Variants in ENOX1 observed in about 807,000 individuals in gnomAD.
ENOX1 encodes the protein candidate growth-related and time keeping constitutive hydroquinone (NADH) oxidase.
ENOX1 carries 42 observed loss-of-function variants against 82.5 expected under a neutral mutation model. The observed-to-expected ratio is 0.51, with a 90% CI of 0.40 to 0.66. The LOEUF (loss-of-function observed/expected upper bound fraction) is 0.66. Ranked by LOEUF, ENOX1 falls within the 30% of genes least tolerant of loss-of-function variation. The pLI is 0.00. For synonymous variants in ENOX1, 271 were observed against 282.2 expected, an observed-to-expected ratio of 0.96 and a Z score of 0.40; for missense variants, 608 against 811.6, an observed-to-expected ratio of 0.75 and a Z score of 3.05.
At chr13:43,329,145 GT>G (rs1185334612) in intron 9 of ENOX1, among the ~76,000 whole-genome samples, 1 of 152,226 alleles carries the variant, frequency 6.6e-6, no homozygotes, top group East Asian at 1.9e-4. Context: ...TCAAAGGCTG[GT>G]ATAGAGTTGT....
intron 2 of ENOX1, among the ~76,000 whole-genome samples, chr13:43,564,979 A>G (rs9567213): frequency 0.079 from 12,076 of 152,152 alleles, 613 homozygotes; most frequent in East Asian, 0.26. Context: ...GTGGTGAACA[A>G]AGAGAAACAA....
Position 43,572,477 on chromosome 13 carries a change from T to C in ENOX1, c.-218-88325A>G, listed in dbSNP as rs1022893633. Among the ~76,000 whole-genome samples, 5 of 152,312 alleles carry C rather than the reference T, an allele frequency of 3.3e-5. No individual in the cohort carries two copies. The East Asian group carries it at 9.6e-4, about 29-fold the overall frequency. ...GAGGGTTTCCAGGCTCACAGCTCAA[T>C]GAAAACAATGATGATCCAGGGGAGT... is the stretch of plus-strand genomic sequence containing the variant. On this transcript the variant is annotated intron_variant, in intron 2 of 16. Transcript: ENST00000690772.
chr13:43,735,017 C>T (rs1054031842), intron 1 of ENOX1, among the ~76,000 whole-genome samples: 3 of 152,152 alleles, frequency 2.0e-5, no homozygotes, highest in Non-Finnish European at 4.4e-5. Flanking sequence ...TTCCCACCTC[C>T]AAAGGCAGGA....
chr13:43,274,191 G>C (rs1033521744), intron 12 of ENOX1, among the ~76,000 whole-genome samples: 1 of 152,126 alleles, frequency 6.6e-6, no homozygotes, highest in Non-Finnish European at 1.5e-5. Flanking sequence ...TTTTTAATCT[G>C]AAAAGAAATA....
At chr13:43,490,179 T>C (rs1036176491) in intron 2 of ENOX1, among the ~76,000 whole-genome samples, 1 of 152,160 alleles carries the variant, frequency 6.6e-6, no homozygotes, top group Non-Finnish European at 1.5e-5. Context: ...TGGCCTCAAG[T>C]GATACACCTG....
chr13:43,671,039 G>A (rs1379624865), intron 1 of ENOX1, among the ~76,000 whole-genome samples: 4 of 152,106 alleles, frequency 2.6e-5, no homozygotes. Flanking sequence ...GGAAGTGACT[G>A]GATTAAGGGG....
intron 3 of ENOX1, among the ~76,000 whole-genome samples, chr13:43,444,636 T>C (rs148089517): frequency 6.6e-6 from 1 of 152,310 alleles, no homozygotes; most frequent in East Asian, 1.9e-4. Flanking sequence ...TAGAAACATA[T>C]TTCATTTATT....
At chr13:43,489,321 C>T (rs2076539111) in intron 2 of ENOX1, among the ~76,000 whole-genome samples, 1 of 152,142 alleles carries the variant, frequency 6.6e-6, no homozygotes, top group Non-Finnish European at 1.5e-5. Flanking sequence ...CATTCCTCAG[C>T]CTCCCCAGCT....
intron 1 of ENOX1, among the ~76,000 whole-genome samples, chr13:43,671,545 C>T (rs1232820890): frequency 1.3e-5 from 2 of 152,194 alleles, no homozygotes; most frequent in South Asian, 4.1e-4. Context: ...TCTACACATA[C>T]CCCATTATTA....
intron 2 of ENOX1, among the ~76,000 whole-genome samples, chr13:43,576,913 A>C (rs1299772028): frequency 6.6e-6 from 1 of 152,206 alleles, no homozygotes; most frequent in Non-Finnish European, 1.5e-5. Context: ...CTGTGGATTA[A>C]AGAAAGAAAT....
intron 7 of ENOX1, among the ~76,000 whole-genome samples, chr13:43,358,072 T>A (rs1379953373): frequency 6.6e-6 from 1 of 152,132 alleles, no homozygotes; most frequent in African/African-American, 2.4e-5. Flanking sequence ...AGAGACTTGC[T>A]GAGAGAAGCG....
chr13:43,590,663 C>T (rs932668750), intron 2 of ENOX1, among the ~76,000 whole-genome samples: 22 of 151,352 alleles, frequency 1.5e-4, no homozygotes, highest in Admixed American at 4.6e-4. Flanking sequence ...GTAGTCCCAA[C>T]TACTCGGAAG....
intron 3 of ENOX1, among the ~76,000 whole-genome samples, chr13:43,470,801 C>T (rs749232413): frequency 4.6e-5 from 7 of 151,934 alleles, no homozygotes; most frequent in Non-Finnish European, 7.4e-5. Context: ...AAGGAAAAGG[C>T]ATATTAGATT....
intron 5 of ENOX1, among the ~76,000 whole-genome samples, chr13:43,403,256 G>C (rs966584271): frequency 2.6e-5 from 4 of 152,002 alleles, no homozygotes; most frequent in Non-Finnish European, 5.9e-5. Context: ...ATTTGTTGTA[G>C]TATACATAGG....
At chr13:43,710,242 C>T (rs1007742523) in intron 1 of ENOX1, among the ~76,000 whole-genome samples, 3 of 151,822 alleles carry the variant, frequency 2.0e-5, no homozygotes, top group Admixed American at 6.6e-5. Context: ...AAGTTTATCC[C>T]GATGTTCAGA....
At chr13:43,768,086 C>G (rs1338551096) in intron 1 of ENOX1, among the ~76,000 whole-genome samples, 1 of 152,216 alleles carries the variant, frequency 6.6e-6, no homozygotes, top group Non-Finnish European at 1.5e-5. Context: ...TTTTTCCCCA[C>G]TAAGTACTCT....
intron 2 of ENOX1, among the ~76,000 whole-genome samples, chr13:43,634,629 A>G (rs556085883): frequency 1.3e-5 from 2 of 152,276 alleles, no homozygotes; most frequent in East Asian, 3.9e-4. Context: ...GTTATTCTCA[A>G]TTCAGCTCCA....
chr13:43,729,504 A>G (rs1412398201), intron 1 of ENOX1, among the ~76,000 whole-genome samples: 1 of 152,212 alleles, frequency 6.6e-6, no homozygotes, highest in East Asian at 1.9e-4. Context: ...TGAGTTTTTA[A>G]TCTACTTTTC....
At chr13:43,712,739 C>T (rs1166452799) in intron 1 of ENOX1, among the ~76,000 whole-genome samples, 1 of 152,106 alleles carries the variant, frequency 6.6e-6, no homozygotes, top group Non-Finnish European at 1.5e-5. Context: ...TATAAGAATG[C>T]TTATGATTTT....
Sources: gnomAD v4.1 joint callset for allele counts (sites outside exome capture counted in the v4.1 genomes callset) on GRCh38, gnomAD v4.1.1 for gene constraint, MANE v1.5 for transcripts, NCBI Gene and HGNC (gene_info 2026-07-23, HGNC 2026-07-21) for gene names.